The following KIAA1217 variants were observed in gnomAD, a reference collection of about 807,000 sequenced individuals.
KIAA1217 encodes the protein KIAA1217, also known as sickle tail protein homolog.
In KIAA1217, 88 loss-of-function variants were observed where a neutral mutation model predicts 163.9. That is an observed-to-expected ratio of 0.54 (90% CI 0.45 to 0.64). The LOEUF (loss-of-function observed/expected upper bound fraction) is 0.64. Among genes scored for constraint, KIAA1217 ranks in the 30% least tolerant of loss-of-function variants. The probability of loss-of-function intolerance (pLI) is 0.00; values close to 1 mark genes in which losing one functional copy is unlikely to be tolerated. For missense variants in KIAA1217, 2,372 were observed against 2,475.0 expected, an observed-to-expected ratio of 0.96 and a Z score of 0.88; for synonymous variants, 903 against 923.1, an observed-to-expected ratio of 0.98 and a Z score of 0.39.
chr10:24,278,311 A>G (rs2077535132), intron 2 of KIAA1217, among the ~76,000 whole-genome samples: 1 of 152,194 alleles, frequency 6.6e-6, no homozygotes, highest in African/African-American at 2.4e-5. Context: ...CATTGTGTGC[A>G]GACCAGGGAG....
In KIAA1217 at chr10:24,373,914, A is replaced by G. The variant is rs185284173; in HGVS notation, c.355-6955A>G. 2.7e-3 allele frequency among the ~76,000 whole-genome samples: 414 copies of G among 152,330 alleles called. 6 individuals carry two copies. The highest frequency in any genetic ancestry group is 6.5e-4 in the Non-Finnish European group (44 of 68,024). ...TTTCATCTTTCCAATCTGATAATGA[A>G]ATAATACACACAGAGAAGGAAAATG... On this transcript the variant is annotated intron_variant, in intron 2 of 20. Coordinates refer to ENST00000376454, the MANE Select transcript of KIAA1217 (RefSeq NM_019590.5).
chr10:24,166,383 A>T (rs2065345402), intron 2 of KIAA1217, among the ~76,000 whole-genome samples: 1 of 152,344 alleles, frequency 6.6e-6, no homozygotes, highest in Non-Finnish European at 1.5e-5. Context: ...AGATAAAAAA[A>T]ATAAGATCTG....
chr10:24,371,528 T>A (rs2051648023), intron 2 of KIAA1217, among the ~76,000 whole-genome samples: 1 of 152,224 alleles, frequency 6.6e-6, no homozygotes, highest in South Asian at 2.1e-4. Flanking sequence ...TGAAATTGAT[T>A]TGATGGCCTT....
intron 1 of KIAA1217, among the ~76,000 whole-genome samples, chr10:23,949,221 AC>A (rs780371286): frequency 5.8e-4 from 89 of 152,188 alleles, no homozygotes; most frequent in Non-Finnish European, 9.3e-4. Flanking sequence ...TGAAACCCTG[AC>A]AAAAAATACC....
intron 1 of KIAA1217, among the ~76,000 whole-genome samples, chr10:23,965,243 C>A (rs1381771544): frequency 1.3e-5 from 2 of 152,238 alleles, no homozygotes; most frequent in Non-Finnish European, 1.5e-5. Context: ...GGACAAACAT[C>A]ATGCTGCATC....
chr10:24,362,229 C>A (rs1461922467), intron 2 of KIAA1217, among the ~76,000 whole-genome samples: 1 of 152,212 alleles, frequency 6.6e-6, no homozygotes, highest in Non-Finnish European at 1.5e-5. Context: ...ATTGCCACAC[C>A]AACTTGCTGA....
At chr10:24,051,166 A>G (rs1849475175) in intron 2 of KIAA1217, among the ~76,000 whole-genome samples, 1 of 152,140 alleles carries the variant, frequency 6.6e-6, no homozygotes, top group Non-Finnish European at 1.5e-5. Context: ...AAGTGAGAAC[A>G]TATGATGTTT....
At chr10:24,269,840 A>C (rs1221156799) in intron 2 of KIAA1217, among the ~76,000 whole-genome samples, 2 of 152,196 alleles carry the variant, frequency 1.3e-5, no homozygotes, top group Non-Finnish European at 2.9e-5. Context: ...ACTCAAATTG[A>C]CATCTAGTGG....
chr10:24,280,879 G>A (rs1409399118), intron 2 of KIAA1217, among the ~76,000 whole-genome samples: 1 of 150,624 alleles, frequency 6.6e-6, no homozygotes, highest in Non-Finnish European at 1.5e-5. Context: ...CTCTACCTAA[G>A]AATATAAAAT....
At chr10:23,968,485 T>C (rs1257210490) in intron 1 of KIAA1217, among the ~76,000 whole-genome samples, 1 of 152,210 alleles carries the variant, frequency 6.6e-6, no homozygotes, top group Non-Finnish European at 1.5e-5. Context: ...TATTGAGTCA[T>C]AATTCACACA....
chr10:24,148,142 CT>C lies in KIAA1217; in HGVS notation c.-170-71476del, dbSNP rs201364239. ...TATGGATATTTATCCCTAAAGGAGACTTTTTTTTCTTGGTTTTAAATTACTG... is the reference window on the plus strand; with the variant it reads ...TATGGATATTTATCCCTAAAGGAGACTTTTTTTCTTGGTTTTAAATTACTG... On this transcript the variant is annotated intron_variant, in intron 2 of 18. Coordinates refer to the KIAA1217 transcript ENST00000376462. 3.4e-3 allele frequency among the ~76,000 whole-genome samples: 520 copies of C among 151,754 alleles called. 3 individuals are homozygous for C. Among genetic ancestry groups the C allele is most frequent in the Non-Finnish European group, 5.6e-3 (379 of 67,908 alleles).
chr10:24,332,019 T>A (rs1244623241), intron 2 of KIAA1217, among the ~76,000 whole-genome samples: 1 of 152,202 alleles, frequency 6.6e-6, no homozygotes, highest in South Asian at 2.1e-4. Flanking sequence ...CAGGCTGGTC[T>A]TGCACTCCTA....
In KIAA1217 at chr10:23,856,134, A is replaced by G. The variant is rs557376228; in HGVS notation, c.-320-151091A>G. Among the ~76,000 whole-genome samples the G allele has an allele frequency of 4.6e-5, 7 of 151,928 alleles. No homozygotes were observed. In the East Asian group the frequency reaches 1.2e-3, roughly 25 times the overall value. On this transcript the variant is annotated intron_variant, in intron 1 of 18. Transcript: ENST00000376462. ...TTTCTGCTCTGTTTTTTCCCCATCT[A>G]TGTGGTTTTATCTGCTTTTGGTCTT... is the stretch of plus-strand genomic sequence containing the variant.
intron 1 of KIAA1217, among the ~76,000 whole-genome samples, chr10:23,965,228 A>G (rs1411629189): frequency 6.6e-6 from 1 of 152,232 alleles, no homozygotes; most frequent in Non-Finnish European, 1.5e-5. Flanking sequence ...TGTGCCTGGC[A>G]GATTGGACAA....
At chr10:24,449,320 T>G (rs989328017) in intron 5 of KIAA1217, 3 of 326,978 alleles carry the variant, frequency 9.2e-6, no homozygotes, top group Non-Finnish European at 1.3e-5. Flanking sequence ...CTTTTCCTTG[T>G]ACTATTTTTT....
chr10:23,748,439 T>TGGAA (rs1191194593), intron 1 of KIAA1217, among the ~76,000 whole-genome samples: 28 of 133,822 alleles, frequency 2.1e-4, no homozygotes, highest in African/African-American at 6.9e-4. Flanking sequence ...GAAATGCTTC[T>TGGAA]GGAAGGAAGG....
At chr10:23,901,913 CAAAA>C (rs71397922) in intron 1 of KIAA1217, among the ~76,000 whole-genome samples, 11 of 98,646 alleles carry the variant, frequency 1.1e-4, no homozygotes, top group Non-Finnish European at 1.7e-4. Context: ...GACTCTATCT[CAAAA>C]AAAAAAAAAA....
chr10:24,390,483 A>G (rs147154106), intron 3 of KIAA1217, among the ~76,000 whole-genome samples: 4,386 of 58,646 alleles, frequency 0.075, 143 homozygotes, highest in African/African-American at 0.24. Context: ...GAGGGAAGGA[A>G]GGAAGGAAGG....
intron 2 of KIAA1217, among the ~76,000 whole-genome samples, chr10:24,203,502 A>G (rs2067377653): frequency 6.6e-6 from 1 of 152,096 alleles, no homozygotes; most frequent in Non-Finnish European, 1.5e-5. Context: ...AGTGTACTCC[A>G]TGATCCTAGT....
Sources: allele counts gnomAD v4.1 joint callset (sites outside exome capture counted in the v4.1 genomes callset), GRCh38; gene constraint gnomAD v4.1.1; transcripts MANE v1.5; gene names NCBI Gene and HGNC (gene_info 2026-07-23, HGNC 2026-07-21).